GRIA1: variants seen among roughly 807,000 people sequenced by gnomAD.
GRIA1 encodes the protein glutamate receptor 1.
Under a neutral mutation model 99.2 loss-of-function variants are expected in GRIA1, and 31 were observed. The ratio of observed to expected loss-of-function variants is 0.31; its 90% confidence interval spans 0.23 to 0.42. The LOEUF (loss-of-function observed/expected upper bound fraction) is 0.42. Among genes scored for constraint, GRIA1 ranks in the 10% least tolerant of loss-of-function variants. The probability of loss-of-function intolerance (pLI) is 1.00; values close to 1 mark genes in which losing one functional copy is unlikely to be tolerated. For missense variants in GRIA1, 782 were observed against 1,157.5 expected, an observed-to-expected ratio of 0.68 and a Z score of 4.71; for synonymous variants, 438 against 432.4, an observed-to-expected ratio of 1.01 and a Z score of -0.16.
At chr5:153,523,013 G>GAT (rs1196905838) in intron 2 of GRIA1, among the ~76,000 whole-genome samples, 31 of 85,932 alleles carry the variant, frequency 3.6e-4, no homozygotes, top group Non-Finnish European at 8.1e-4. Flanking sequence ...TCTTGTTCCT[G>GAT]ATATCTCTCT....
chr5:153,610,335 C>T (rs1400938860), intron 2 of GRIA1, among the ~76,000 whole-genome samples: 2 of 152,190 alleles, frequency 1.3e-5, no homozygotes, highest in African/African-American at 2.4e-5. Flanking sequence ...GTTCAACTCT[C>T]CCTTTCAGTG....
intron 2 of GRIA1, among the ~76,000 whole-genome samples, chr5:153,554,365 A>T (rs1331737600): frequency 5.3e-5 from 8 of 152,184 alleles, no homozygotes; most frequent in Non-Finnish European, 1.2e-4. Context: ...TTTTAAGTAT[A>T]TTATCAAAGG....
chr5:153,554,941 C>G (rs1760485079), intron 2 of GRIA1, among the ~76,000 whole-genome samples: 1 of 152,104 alleles, frequency 6.6e-6, no homozygotes, highest in Non-Finnish European at 1.5e-5. Context: ...AATACTGCAG[C>G]CTTGAAACTA....
chr5:153,782,587 G>A (rs569730559), intron 13 of GRIA1, among the ~76,000 whole-genome samples: 18 of 152,174 alleles, frequency 1.2e-4, no homozygotes, highest in South Asian at 1.0e-3. Flanking sequence ...AACAACTAAC[G>A]CTAATACAAA....
intron 11 of GRIA1, among the ~76,000 whole-genome samples, chr5:153,746,462 G>A (rs953608443): frequency 7.9e-5 from 12 of 152,246 alleles, no homozygotes; most frequent in South Asian, 4.1e-4. Flanking sequence ...CTTATGGGTC[G>A]GGGTATATTT....
intron 2 of GRIA1, among the ~76,000 whole-genome samples, chr5:153,601,749 G>C (rs564810527): frequency 6.6e-6 from 1 of 152,322 alleles, no homozygotes; most frequent in South Asian, 2.1e-4. Context: ...AGGTTCCTTA[G>C]ATGACTGAAG....
intron 2 of GRIA1, among the ~76,000 whole-genome samples, chr5:153,550,211 A>G (rs1054356529): frequency 1.3e-5 from 2 of 151,810 alleles, no homozygotes; most frequent in African/African-American, 2.4e-5. Flanking sequence ...GGGTATATAG[A>G]TATGCTAAGA....
At chr5:153,590,130 A>G (rs1763831630) in intron 2 of GRIA1, among the ~76,000 whole-genome samples, 1 of 152,182 alleles carries the variant, frequency 6.6e-6, no homozygotes, top group African/African-American at 2.4e-5. Context: ...ATGTTTGTAC[A>G]TTTTCAAGTA....
intron 13 of GRIA1, among the ~76,000 whole-genome samples, chr5:153,788,213 G>A (rs971375183): frequency 2.6e-5 from 4 of 152,018 alleles, no homozygotes; most frequent in African/African-American, 9.7e-5. Flanking sequence ...AAATCAGCTC[G>A]AATCTTTCCT....
intron 2 of GRIA1, among the ~76,000 whole-genome samples, chr5:153,568,438 G>A (rs1284699252): frequency 6.6e-6 from 1 of 152,114 alleles, no homozygotes; most frequent in Non-Finnish European, 1.5e-5. Context: ...GTTAAAGCTT[G>A]AGAAGCACTG....
intron 11 of GRIA1, among the ~76,000 whole-genome samples, chr5:153,732,471 A>G (rs1246732557): frequency 1.3e-5 from 2 of 152,050 alleles, no homozygotes; most frequent in African/African-American, 2.4e-5. Context: ...TTCCCTGTTG[A>G]CTAGTAATGT....
intron 11 of GRIA1, among the ~76,000 whole-genome samples, chr5:153,753,784 G>T (rs944929485): frequency 2.6e-5 from 4 of 152,024 alleles, no homozygotes; most frequent in Non-Finnish European, 4.4e-5. Flanking sequence ...CAGGTGACTA[G>T]GCAGACAGAC....
intron 15 of GRIA1, among the ~76,000 whole-genome samples, chr5:153,802,936 G>T (rs1330196766): frequency 6.6e-6 from 1 of 152,170 alleles, no homozygotes; most frequent in Admixed American, 6.5e-5. Flanking sequence ...CTAAGAAATA[G>T]ACATTGACAA....
intron 2 of GRIA1, among the ~76,000 whole-genome samples, chr5:153,612,429 C>T (rs746469469): frequency 1.2e-4 from 19 of 152,158 alleles, no homozygotes; most frequent in Admixed American, 8.5e-4. Flanking sequence ...GAAGGCTATG[C>T]CTTTGTGCAA....
chr5:153,664,776 G>T (rs1033962201), intron 5 of GRIA1, among the ~76,000 whole-genome samples: 3 of 152,034 alleles, frequency 2.0e-5, no homozygotes, highest in Non-Finnish European at 2.9e-5. Context: ...TTTCTTACCT[G>T]GTTCCCAGTA....
chr5:153,759,315 G>A (rs1372203370), intron 11 of GRIA1, among the ~76,000 whole-genome samples: 4 of 151,586 alleles, frequency 2.6e-5, no homozygotes, highest in African/African-American at 4.8e-5. Flanking sequence ...CGAACCTTTA[G>A]CAAGACTGAG....
At chr5:153,533,464 G>A (rs1758269590) in intron 2 of GRIA1, among the ~76,000 whole-genome samples, 1 of 152,030 alleles carries the variant, frequency 6.6e-6, no homozygotes, top group Admixed American at 6.6e-5. Flanking sequence ...GGAAGAGCCA[G>A]GAGGCTTTGG....
chr5:153,500,744 G>A (rs181540804), intron 2 of GRIA1, among the ~76,000 whole-genome samples: 4 of 151,204 alleles, frequency 2.6e-5, no homozygotes, highest in African/African-American at 7.3e-5. Context: ...AGATAGGTAG[G>A]ATGTAGATGG....
chr5:153,545,505 T>C (rs904195588), intron 2 of GRIA1, among the ~76,000 whole-genome samples: 1 of 152,030 alleles, frequency 6.6e-6, no homozygotes, highest in Non-Finnish European at 1.5e-5. Flanking sequence ...CATTTCAGGG[T>C]CGGCTTAAGG....
Sources: gnomAD v4.1 joint callset for allele counts (sites outside exome capture counted in the v4.1 genomes callset) on GRCh38, gnomAD v4.1.1 for gene constraint, MANE v1.5 for transcripts, NCBI Gene and HGNC (gene_info 2026-07-23, HGNC 2026-07-21) for gene names.